The following ROBO2 variants were observed in gnomAD, a reference collection of about 807,000 sequenced individuals.
ROBO2 encodes roundabout guidance receptor 2, also known as roundabout homolog 2.
Under a neutral mutation model 160.8 loss-of-function variants are expected in ROBO2, and 53 were observed. That is an observed-to-expected ratio of 0.33 (90% confidence interval 0.26 to 0.41). The LOEUF (loss-of-function observed/expected upper bound fraction) is 0.41, where lower values mean the gene tolerates loss of function less well. ROBO2 is among the 10% of genes least tolerant of loss of function. The pLI is 1.00. For synonymous variants in ROBO2, 664 were observed against 611.7 expected, an observed-to-expected ratio of 1.09 and a Z score of -1.26; for missense variants, 1,577 against 1,722.4, an observed-to-expected ratio of 0.92 and a Z score of 1.49.
intron 2 of ROBO2, among the ~76,000 whole-genome samples, chr3:76,651,945 C>A (rs1363809874): frequency 1.3e-5 from 2 of 152,066 alleles, no homozygotes; most frequent in Non-Finnish European, 2.9e-5. Flanking sequence ...CTAGGTCCAG[C>A]CTTTTCTGGA....
chr3:77,603,704 T>C (rs562263994), intron 20 of ROBO2: 7 of 152,328 alleles, frequency 4.6e-5, no homozygotes, highest in African/African-American at 1.7e-4. Flanking sequence ...AAACACCCTT[T>C]ACTGGACAAA....
At chr3:76,456,065 G>A (rs2077735633) in intron 2 of ROBO2, among the ~76,000 whole-genome samples, 1 of 152,136 alleles carries the variant, frequency 6.6e-6, no homozygotes, top group South Asian at 2.1e-4. Context: ...CAAGTTATAA[G>A]TATTTGTAGC....
intron 2 of ROBO2, among the ~76,000 whole-genome samples, chr3:76,902,586 G>T (rs1328051680): frequency 6.6e-6 from 1 of 151,918 alleles, no homozygotes; most frequent in Non-Finnish European, 1.5e-5. Flanking sequence ...TTTCAAATAA[G>T]ATTCTATAGT....
intron 2 of ROBO2, among the ~76,000 whole-genome samples, chr3:77,202,037 A>T (rs1434462111): frequency 6.6e-6 from 1 of 152,096 alleles, no homozygotes; most frequent in East Asian, 1.9e-4. Flanking sequence ...CTAATTGAGG[A>T]GTGTGTATGT....
chr3:76,456,395 A>T (rs568193673), intron 2 of ROBO2, among the ~76,000 whole-genome samples: 46 of 152,368 alleles, frequency 3.0e-4, no homozygotes, highest in African/African-American at 1.1e-3. Context: ...TTATTGAATT[A>T]TAACCACTGT....
intron 2 of ROBO2, among the ~76,000 whole-genome samples, chr3:77,239,896 A>G (rs2088713775): frequency 6.6e-6 from 1 of 152,052 alleles, no homozygotes; most frequent in African/African-American, 2.4e-5. Flanking sequence ...GATTAGCTAG[A>G]TACGGAGGGC....
chr3:77,607,651 C>T, intron 20 of ROBO2, 147 bp from the exon 22 acceptor site: 1 of 748,876 alleles, frequency 1.3e-6, no homozygotes, highest in Non-Finnish European at 2.2e-6. Flanking sequence ...AAATGTTTTT[C>T]TGATTATATC....
At chr3:76,823,808 T>A (rs1487132752) in intron 2 of ROBO2, among the ~76,000 whole-genome samples, 1 of 152,168 alleles carries the variant, frequency 6.6e-6, no homozygotes. Flanking sequence ...TTAACATGTA[T>A]GAGCAGTTAT....
intron 2 of ROBO2, among the ~76,000 whole-genome samples, chr3:76,558,416 A>G (rs911397228): frequency 6.6e-6 from 1 of 152,098 alleles, no homozygotes; most frequent in Non-Finnish European, 1.5e-5. Flanking sequence ...TGAAGTTATA[A>G]GCTATTCAAG....
intron 2 of ROBO2, among the ~76,000 whole-genome samples, chr3:77,016,944 A>G (rs934118386): frequency 7.9e-5 from 12 of 152,168 alleles, no homozygotes; most frequent in African/African-American, 2.7e-4. Context: ...ATATATTATA[A>G]TAATATTTAC....
chr3:76,309,040 G>T (rs548713010), intron 2 of ROBO2, among the ~76,000 whole-genome samples: 1 of 152,126 alleles, frequency 6.6e-6, no homozygotes, highest in Non-Finnish European at 1.5e-5. Context: ...TTCTGCCAAA[G>T]GGCCAAGACA....
chr3:77,051,357 A>G (rs1027961540), intron 1 of ROBO2, among the ~76,000 whole-genome samples: 2 of 152,174 alleles, frequency 1.3e-5, no homozygotes, highest in African/African-American at 4.8e-5. Context: ...TACACATGGC[A>G]ATAAGACTAT....
intron 2 of ROBO2, among the ~76,000 whole-genome samples, chr3:76,647,297 G>A (rs1176825886): frequency 2.0e-5 from 3 of 152,192 alleles, no homozygotes; most frequent in Non-Finnish European, 2.9e-5. Context: ...TGGTTCAAAT[G>A]AAGAAGTTCC....
At chr3:77,385,272 G>A (rs1266285647) in intron 2 of ROBO2, among the ~76,000 whole-genome samples, 14 of 152,076 alleles carry the variant, frequency 9.2e-5, no homozygotes, top group African/African-American at 3.1e-4. Flanking sequence ...TTCTTGATCC[G>A]CCCACCTCGG....
At chr3:76,014,105 A>G (rs2066312414) in intron 2 of ROBO2, among the ~76,000 whole-genome samples, 1 of 145,602 alleles carries the variant, frequency 6.9e-6, no homozygotes, top group South Asian at 2.2e-4. Flanking sequence ...TATAAAGGCA[A>G]TTGGCAGCTG....
intron 5 of ROBO2, among the ~76,000 whole-genome samples, chr3:77,504,324 C>T (rs1300941473): frequency 1.3e-5 from 2 of 151,680 alleles, no homozygotes; most frequent in African/African-American, 2.4e-5. Context: ...TATATCATTG[C>T]AATTCTTTAA....
intron 2 of ROBO2, among the ~76,000 whole-genome samples, chr3:76,431,421 T>A (rs938051540): frequency 1.3e-5 from 2 of 152,268 alleles, no homozygotes; most frequent in Non-Finnish European, 1.5e-5. Flanking sequence ...AATGTGGCAA[T>A]GCTTTAAATT....
chr3:77,375,094 C>A (rs1389540104), intron 2 of ROBO2, among the ~76,000 whole-genome samples: 1 of 152,082 alleles, frequency 6.6e-6, no homozygotes, highest in African/African-American at 2.4e-5. Context: ...TGCCTGTAGC[C>A]CTAGCAATTC....
intron 2 of ROBO2, among the ~76,000 whole-genome samples, chr3:77,269,792 T>C (rs2059372707): frequency 6.6e-6 from 1 of 152,110 alleles, no homozygotes; most frequent in Admixed American, 6.6e-5. Context: ...ATTCAAAAAG[T>C]CTCCATAGTT....
Sources: gnomAD v4.1 joint callset for allele counts (sites outside exome capture counted in the v4.1 genomes callset) on GRCh38, gnomAD v4.1.1 for gene constraint, MANE v1.5 for transcripts, NCBI Gene and HGNC (gene_info 2026-07-23, HGNC 2026-07-21) for gene names.